The following TRPC3 variants were observed in gnomAD, a reference collection of about 807,000 sequenced individuals.
TRPC3 encodes the protein transient receptor potential cation channel subfamily C member 3.
A neutral mutation model predicts 90.9 loss-of-function variants in TRPC3; 54 were observed. The ratio of observed to expected loss-of-function variants is 0.59; its 90% confidence interval spans 0.48 to 0.75. The LOEUF (loss-of-function observed/expected upper bound fraction) is 0.75. TRPC3 is among the 30% of genes least tolerant of loss of function. TRPC3 has a pLI of 0.00. For missense variants in TRPC3, 918 were observed against 1,194.5 expected (o/e 0.77, Z 3.41); for synonymous variants, 424 against 450.9 (o/e 0.94, Z 0.75).
chr4:121,916,870 T>A (rs1476931351), intron 3 of TRPC3, among the ~76,000 whole-genome samples: 2 of 151,972 alleles, frequency 1.3e-5, no homozygotes, highest in Non-Finnish European at 2.9e-5. Flanking sequence ...TGTGCCACCA[T>A]GCCTGGCTAA....
chr4:121,949,664 T>A (rs1730616159), intron 1 of TRPC3, among the ~76,000 whole-genome samples: 1 of 152,208 alleles, frequency 6.6e-6, no homozygotes, highest in Non-Finnish European at 1.5e-5. Flanking sequence ...GCCCTGCCTC[T>A]AGAAGAAACG....
Position 121,877,967 on chromosome 4 carries a change from T to C in TRPC3, c.*1769A>G, listed in dbSNP as rs1344743110. Among the ~76,000 whole-genome samples the C allele has an allele frequency of 6.6e-6, 1 of 152,152 alleles. No homozygotes were observed. Among genetic ancestry groups the C allele is most frequent in the Non-Finnish European group, 1.5e-5 (1 of 68,012 alleles). On this transcript the variant is annotated 3_prime_UTR_variant, in exon 12 of 12. Coordinates refer to ENST00000379645, the MANE Select transcript of TRPC3 (RefSeq NM_001130698.2). Reference sequence around the variant, plus strand: ...GAAAATTACAAAATATTCAGTTCCATAGCTATAAGCAAAAACTTTTCACAC... The same window carrying C: ...GAAAATTACAAAATATTCAGTTCCACAGCTATAAGCAAAAACTTTTCACAC...
intron 3 of TRPC3, among the ~76,000 whole-genome samples, chr4:121,922,545 T>C (rs1391276468): frequency 1.3e-5 from 2 of 152,224 alleles, no homozygotes; most frequent in Admixed American, 1.3e-4. Flanking sequence ...CTTTGTAACC[T>C]ACATGCCAAT....
chr4:121,926,806 C>T (rs1162752319), intron 2 of TRPC3, among the ~76,000 whole-genome samples: 1 of 152,186 alleles, frequency 6.6e-6, no homozygotes, highest in Non-Finnish European at 1.5e-5. Context: ...GACATTGCTT[C>T]TCAAAGTGTA....
At chr4:121,942,558 G>A (rs1161666227) in intron 1 of TRPC3, among the ~76,000 whole-genome samples, 1 of 152,186 alleles carries the variant, frequency 6.6e-6, no homozygotes, top group East Asian at 1.9e-4. Context: ...GACAGAACGA[G>A]ACCCTGTCTC....
chr4:121,932,710 A>G lies in TRPC3; in HGVS notation c.548T>C (p.Ile183Thr). 6.2e-7 allele frequency: 1 copy of G among 1,613,818 alleles called. No homozygotes were observed. Among genetic ancestry groups the G allele is most frequent in the Non-Finnish European group, 8.5e-7 (1 of 1,179,812 alleles). Residue 183 changes from isoleucine to threonine, a missense_variant, in exon 2 of 12, where the codon ATC (isoleucine) becomes ACC (threonine). By Grantham distance (89) the Ile-to-Thr change is moderately conservative. Around this residue, in one of 4 missense-constraint regions of TRPC3, gnomAD observed 609 missense variants for 725.9 expected, o/e 0.84. Transcript: ENST00000379645. The surrounding 1 kb of genome is among the most constrained non-coding windows in gnomAD (Gnocchi z 7.7). ...TACGATGCGCACGTAGCCCTTGCTG[A>G]TGGCGAGCAGCAGGGCGTCGCCAAT... ...ARIGDALLLA[I>T]SKGYVRIVEA...
intron 1 of TRPC3, among the ~76,000 whole-genome samples, chr4:121,946,481 T>C (rs1730492504): frequency 6.6e-6 from 1 of 152,238 alleles, no homozygotes; most frequent in South Asian, 2.1e-4. Context: ...AGTCATACTA[T>C]ACTACTTGAC....
At chr4:121,897,579 G>A (rs1175646624) in intron 10 of TRPC3, among the ~76,000 whole-genome samples, 3 of 148,010 alleles carry the variant, frequency 2.0e-5, no homozygotes, top group South Asian at 2.1e-4. Context: ...AAAAATGCTC[G>A]ACATCACTAA....
intron 10 of TRPC3, among the ~76,000 whole-genome samples, chr4:121,884,868 C>T (rs1029655593): frequency 4.6e-5 from 7 of 152,174 alleles, no homozygotes; most frequent in African/African-American, 1.7e-4. Context: ...AGGAATACAA[C>T]AGTGAACACA....
chr4:121,899,699 G>A lies in TRPC3; in HGVS notation c.2464-4C>T. The A allele has an allele frequency of 6.2e-7, 1 of 1,601,810 alleles. No homozygotes were observed. The highest frequency in any genetic ancestry group is 8.5e-7 in the Non-Finnish European group (1 of 1,171,130). ...TAGACTGAGTGAAGAGGTTTAACTA[G>A]GAAAAAATACAATTAACCTAGTAAA... On this transcript the variant is annotated splice_polypyrimidine_tract_variant and splice_region_variant and intron_variant, in intron 9 of 11. Transcript: ENST00000379645.
chr4:121,895,369 TA>T (rs763608055), intron 10 of TRPC3, among the ~76,000 whole-genome samples: 11 of 151,372 alleles, frequency 7.3e-5, no homozygotes, highest in Non-Finnish European at 1.5e-4. Context: ...AAATTGAGAC[TA>T]AAATAAATAC....
intron 3 of TRPC3, among the ~76,000 whole-genome samples, chr4:121,919,179 T>G (rs1168098484): frequency 6.6e-6 from 1 of 152,194 alleles, no homozygotes; most frequent in Admixed American, 6.5e-5. Context: ...GATTATAAAC[T>G]GAACCACTGA....
chr4:121,933,087 A>C lies in TRPC3; in HGVS notation c.216-45T>G, dbSNP rs529876670. ...AAACAACTGTAGAATATTAGGGCACATTCCTTCCTTTCACATGTCAGGGCC... is the reference window on the plus strand; with the variant it reads ...AAACAACTGTAGAATATTAGGGCACCTTCCTTCCTTTCACATGTCAGGGCC... On this transcript the variant is annotated intron_variant, in intron 1 of 11. Coordinates refer to ENST00000379645, the MANE Select transcript of TRPC3 (RefSeq NM_001130698.2). 9.2e-6 allele frequency: 14 copies of C among 1,514,964 alleles called. No individual in the cohort carries two copies. The African/African-American group carries it at 1.7e-4, about 18-fold the overall frequency. 93.8% of individuals were successfully genotyped at this position (1,514,964 alleles called of 1,614,324 possible).
intron 1 of TRPC3, among the ~76,000 whole-genome samples, chr4:121,936,763 G>A (rs983853377): frequency 6.6e-6 from 1 of 151,990 alleles, no homozygotes; most frequent in Non-Finnish European, 1.5e-5. Flanking sequence ...CACCTACAAG[G>A]TACCTCTCCA....
chr4:121,933,236 T>C (rs1730017087), intron 1 of TRPC3, 194 bp from the exon 2 acceptor site: 1 of 1,204,678 alleles, frequency 8.3e-7, no homozygotes, highest in Non-Finnish European at 1.1e-6. Flanking sequence ...GGCTGCTAGA[T>C]CCCAGAAGGA....
intron 1 of TRPC3, among the ~76,000 whole-genome samples, chr4:121,946,982 A>T (rs761800586): frequency 4.6e-5 from 7 of 151,990 alleles, no homozygotes; most frequent in Non-Finnish European, 7.4e-5. Flanking sequence ...CAGGAGTTAG[A>T]GACCAGCCTG....
rs1172918349 is a variant in TRPC3 at position 121,877,552 on chromosome 4, C to A, written c.*2184G>T. Among the ~76,000 whole-genome samples, 1 of 152,100 alleles carries A rather than the reference C, an allele frequency of 6.6e-6. No homozygotes were observed. The highest frequency in any genetic ancestry group is 1.5e-5 in the Non-Finnish European group (1 of 68,024). On this transcript the variant is annotated 3_prime_UTR_variant, in exon 12 of 12. Coordinates refer to ENST00000379645, the MANE Select transcript of TRPC3 (RefSeq NM_001130698.2). ...GGGAAGTGATTGGCTAGGAACTGCA[C>A]AGGAGAATCTGGGAGACAGGTGCAC...
rs1205687664 is a variant in TRPC3, at chr4:121,887,327, T to C, written c.2548-4898A>G. Among the ~76,000 whole-genome samples, 4 of 152,238 alleles carry C rather than the reference T, an allele frequency of 2.6e-5. No homozygotes were observed. The East Asian group carries it at 5.8e-4, about 22-fold the overall frequency. ...TGTGAATATTTGTCTACTTATACTT[T>C]CCTTTCCTTCCTCCTAACCTCAACA... On this transcript the variant is annotated intron_variant, in intron 10 of 11. Transcript: ENST00000379645.
At chr4:121,883,369 GA>G (rs1728007590) in intron 10 of TRPC3, among the ~76,000 whole-genome samples, 2 of 152,010 alleles carry the variant, frequency 1.3e-5, no homozygotes, top group Admixed American at 1.3e-4. Context: ...TAAACTGGGA[GA>G]AAATATTGGT....
Sources: gnomAD v4.1 joint callset for allele counts (sites outside exome capture counted in the v4.1 genomes callset) on GRCh38, gnomAD v4.1.1 for gene constraint, gnomAD v4.1.1 regional missense constraint, Gnocchi (gnomAD v3.1) non-coding constraint, MANE v1.5 for transcripts, NCBI Gene and HGNC (gene_info 2026-07-23, HGNC 2026-07-21) for gene names.